Variants in GLDC observed in about 807,000 individuals in gnomAD.
GLDC encodes the protein glycine decarboxylase, also known as glycine dehydrogenase (decarboxylating), mitochondrial.
Under a neutral mutation model 121.3 loss-of-function variants are expected in GLDC, and 104 were observed. The ratio of observed to expected loss-of-function variants is 0.86; its 90% confidence interval spans 0.73 to 1.01. GLDC has a LOEUF of 1.01. Ranked by LOEUF, GLDC falls within the 50% of genes least tolerant of loss-of-function variation. The probability of loss-of-function intolerance (pLI) is 0.00; values close to 1 mark genes in which losing one functional copy is unlikely to be tolerated. For synonymous variants in GLDC, 546 were observed against 480.6 expected (o/e 1.14, Z -1.78); for missense variants, 1,429 against 1,306.6 (o/e 1.09, Z -1.44).
chr9:6,586,800 A>T (rs745361164), intron 15 of GLDC, among the ~76,000 whole-genome samples: 1 of 152,160 alleles, frequency 6.6e-6, no homozygotes, highest in Non-Finnish European at 1.5e-5. Context: ...GCCATTAGAG[A>T]TTTGCAGCTT....
intron 4 of GLDC, among the ~76,000 whole-genome samples, chr9:6,608,210 G>C (rs905946629): frequency 3.3e-5 from 5 of 151,030 alleles, no homozygotes; most frequent in Non-Finnish European, 7.4e-5. Flanking sequence ...TCAGGAGATC[G>C]AGACCCTCCT....
At chr9:6,565,846 C>G (rs1170717164) in intron 15 of GLDC, 1 of 365,476 alleles carries the variant, frequency 2.7e-6, no homozygotes, top group Non-Finnish European at 5.0e-6. Context: ...TTCTCACTAA[C>G]CACTTTCATG....
chr9:6,625,369 G>A (rs1819213743), intron 2 of GLDC, among the ~76,000 whole-genome samples: 1 of 152,170 alleles, frequency 6.6e-6, no homozygotes, highest in Non-Finnish European at 1.5e-5. Flanking sequence ...CAACTCAATG[G>A]CTGACTTTAT....
rs1420091225 is a variant in GLDC at position 6,645,432 on chromosome 9, G to A, written c.68C>T (p.Ala23Val). 1.6e-6 allele frequency: 2 copies of A among 1,286,544 alleles called. No individual in the cohort carries two copies. The highest frequency in any genetic ancestry group is 2.0e-6 in the Non-Finnish European group (2 of 1,024,196). 79.7% of individuals were successfully genotyped at this position (1,286,544 alleles called of 1,614,324 possible). The change falls in exon 1 of 25, where the codon GCT becomes GTT. Residue 23 changes from alanine (A) to valine (V), a missense_variant. Transcript: ENST00000321612. ...CGCCCAGCACGGCCCCGATCCCCCAGCCAGGCGGCGGCCGCCCCCGACCCC... is the reference window on the plus strand; with the variant it reads ...CGCCCAGCACGGCCCCGATCCCCCAACCAGGCGGCGGCCGCCCCCGACCCC... ...GRGVGGGRRL[A>V]GGSGPCWAPR...
At chr9:6,591,058 C>G (rs1438561237) in intron 11 of GLDC, among the ~76,000 whole-genome samples, 1 of 152,290 alleles carries the variant, frequency 6.6e-6, no homozygotes, top group Non-Finnish European at 1.5e-5. Flanking sequence ...GTGATTAACA[C>G]CTTGCCACAG....
intron 16 of GLDC, among the ~76,000 whole-genome samples, chr9:6,561,142 G>C (rs1384635731): frequency 6.6e-6 from 1 of 152,178 alleles, no homozygotes; most frequent in Non-Finnish European, 1.5e-5. Context: ...GAAAATTAAT[G>C]TGTGTTGTTT....
At chr9:6,549,756 A>C (rs1206644093) in intron 21 of GLDC, among the ~76,000 whole-genome samples, 1 of 151,952 alleles carries the variant, frequency 6.6e-6, no homozygotes. Flanking sequence ...GCTAACCTTC[A>C]ATCACAGGTG....
intron 4 of GLDC, among the ~76,000 whole-genome samples, chr9:6,609,208 T>C (rs1563859195): frequency 6.6e-6 from 1 of 152,164 alleles, no homozygotes; most frequent in Non-Finnish European, 1.5e-5. Flanking sequence ...TGGAGAACCA[T>C]CCTGATTCAG....
chr9:6,625,400 A>G (rs1819214649), intron 2 of GLDC, among the ~76,000 whole-genome samples: 1 of 152,196 alleles, frequency 6.6e-6, no homozygotes, highest in East Asian at 1.9e-4. Flanking sequence ...GCCTGGAGAA[A>G]AATAATATTA....
intron 19 of GLDC, among the ~76,000 whole-genome samples, 184 bp downstream of exon 19, chr9:6,554,485 G>A (rs1817577257): frequency 6.6e-6 from 1 of 152,092 alleles, no homozygotes; most frequent in African/African-American, 2.4e-5. Context: ...ATCTAATTAC[G>A]CTTTTCTTTG....
chr9:6,549,571 TCTCAC>T (rs931037972), intron 21 of GLDC, among the ~76,000 whole-genome samples: 1 of 152,110 alleles, frequency 6.6e-6, no homozygotes, highest in African/African-American at 2.4e-5. Flanking sequence ...TGTTCTGGCT[TCTCAC>T]CTTCAATATT....
intron 2 of GLDC, among the ~76,000 whole-genome samples, chr9:6,644,306 C>T (rs757720365): frequency 9.9e-5 from 15 of 151,886 alleles, no homozygotes; most frequent in African/African-American, 1.5e-4. Context: ...TATGAGAGCA[C>T]CCTGGCCGGT....
intron 19 of GLDC, 25 bp downstream of exon 19, chr9:6,554,644 C>T: frequency 6.6e-7 from 1 of 1,520,692 alleles, no homozygotes; most frequent in Non-Finnish European, 9.1e-7. Flanking sequence ...CAAAGCCATC[C>T]TGAAACCAGC....
rs763489615 is a variant in GLDC at position 6,588,624 on chromosome 9, A to C, written c.1659T>G (p.Ile553Met). ...NKDISLVHSM[I>M]PLGSCTMKLN... Reference sequence around the variant, plus strand: ...AAAGGCCACAAATAACTACCAGTGGAATCATGCTGTGAACAAGGGAAATGT... The same window carrying C: ...AAAGGCCACAAATAACTACCAGTGGCATCATGCTGTGAACAAGGGAAATGT... Residue 553 changes from isoleucine (I) to methionine (M), a missense_variant, in exon 13 of 25, where the codon ATT becomes ATG. Transcript: ENST00000321612. The C allele has an allele frequency of 1.1e-5, 18 of 1,607,472 alleles. No homozygotes were observed. In the Admixed American group the frequency reaches 1.7e-4, roughly 15 times the overall value.
At chr9:6,605,409 T>C in intron 5 of GLDC, 131 bp from the exon 6 acceptor site, 1 of 846,086 alleles carries the variant, frequency 1.2e-6, no homozygotes, top group Admixed American at 2.0e-5. Flanking sequence ...CCTGCCCACA[T>C]CCCGTCCCAC....
intron 16 of GLDC, among the ~76,000 whole-genome samples, chr9:6,563,267 G>A (rs973643107): frequency 2.6e-5 from 4 of 152,242 alleles, no homozygotes; most frequent in Admixed American, 2.0e-4. Context: ...GTCAGATTGG[G>A]AAATTTGGGA....
At chr9:6,562,643 T>A (rs1044081086) in intron 16 of GLDC, among the ~76,000 whole-genome samples, 1 of 152,202 alleles carries the variant, frequency 6.6e-6, no homozygotes, top group Admixed American at 6.5e-5. Flanking sequence ...CACTGCAACC[T>A]CTGCCTCCTG....
At chr9:6,622,983 G>A (rs1313634484) in intron 2 of GLDC, 5 of 190,158 alleles carry the variant, frequency 2.6e-5, no homozygotes, top group East Asian at 1.9e-4. Context: ...CACCCCGTCC[G>A]GGAGGGAGGT....
At chr9:6,624,224 G>T (rs967526567) in intron 2 of GLDC, among the ~76,000 whole-genome samples, 3 of 152,188 alleles carry the variant, frequency 2.0e-5, no homozygotes, top group African/African-American at 7.2e-5. Flanking sequence ...TCCCAAAAAT[G>T]ATGCTTTGAA....
Sources: gnomAD v4.1 joint callset for allele counts (sites outside exome capture counted in the v4.1 genomes callset) on GRCh38, gnomAD v4.1.1 for gene constraint, MANE v1.5 for transcripts, NCBI Gene and HGNC (gene_info 2026-07-23, HGNC 2026-07-21) for gene names.